Variants in NLRP12 observed in about 807,000 individuals in gnomAD.
NLRP12 encodes the protein NACHT, LRR and PYD domains-containing protein 12.
In NLRP12, 108 loss-of-function variants were observed where a neutral mutation model predicts 91.2. The observed-to-expected ratio is 1.18, with a 90% CI of 1.01 to 1.39. The LOEUF (loss-of-function observed/expected upper bound fraction) is 1.39. NLRP12 is among the 40% of genes most tolerant of loss of function. The pLI, the probability that NLRP12 is intolerant of heterozygous loss-of-function variation, is 0.00. For missense variants in NLRP12, 1,530 were observed against 1,352.7 expected (o/e 1.13, Z -2.06); for synonymous variants, 613 against 566.7 (o/e 1.08, Z -1.16).
At chr19:53,816,226 C>A (rs1190101175) in intron 1 of NLRP12, among the ~76,000 whole-genome samples, 2 of 152,152 alleles carry the variant, frequency 1.3e-5, no homozygotes, top group Non-Finnish European at 2.9e-5. Context: ...GTTCTCCCAT[C>A]AGCTGAGCCA....
Position 53,795,997 on chromosome 19 carries a change from C to T in NLRP12, c.2960G>A (p.Cys987Tyr), listed in dbSNP as rs369502542. The T allele has an allele frequency of 1.6e-5, 26 of 1,614,026 alleles. No homozygotes were observed. The African/African-American group carries it at 2.7e-4, about 17-fold the overall frequency. ...CCCCAGGGTGAAGTAAAGATTCTCA[C>T]AAGCCTTGGCTGTGAGGCCACAGCT... ...LDSCGLTAKACENLYFTLGIN... is the reference protein window; with the variant it reads ...LDSCGLTAKAYENLYFTLGIN... The change falls in exon 9 of 10, where the codon TGT becomes TAT. Residue 987 changes from cysteine (C) to tyrosine (Y), a missense_variant. By Grantham distance (194) the Cys-to-Tyr change is radical. Transcript: ENST00000324134.
chr19:53,824,249 A>T lies in NLRP12; in HGVS notation c.-75T>A. The T allele has an allele frequency of 6.9e-7, 1 of 1,459,220 alleles. No individual in the cohort carries two copies. The highest frequency in any genetic ancestry group is 9.5e-7 in the Non-Finnish European group (1 of 1,052,222). The allele number at this position is 1,459,220 out of a possible 1,614,324, so 90.4% of individuals were successfully genotyped here. The stretch of plus-strand genomic sequence containing the variant: ...TATGCACGGGACACAGGGCGACCCC[A>T]GCACACCTTCCATTGCATCATTCAC... On this transcript the variant is annotated 5_prime_UTR_variant, in exon 1 of 10. Transcript: ENST00000324134.
rs1369819341 is a variant in NLRP12, at chr19:53,810,428, A to T, written c.1231T>A (p.Cys411Ser). Residue 411 changes from cysteine (C) to serine (S), a missense_variant, in exon 3 of 10, where the codon TGT becomes AGT. Coordinates refer to ENST00000324134, the MANE Select transcript of NLRP12 (RefSeq NM_144687.4). ...CFVPLVCWVV[C>S]TCLQQQLEGG... Reference sequence around the variant, plus strand: ...TCCAGCTGCTGCTGGAGGCAGGTACACACCACCCAGCACACCAGGGGGACG... The same window carrying T: ...TCCAGCTGCTGCTGGAGGCAGGTACTCACCACCCAGCACACCAGGGGGACG... The T allele has an allele frequency of 3.1e-6, 5 of 1,613,838 alleles. No homozygotes were observed. The highest frequency in any genetic ancestry group is 4.2e-6 in the Non-Finnish European group (5 of 1,180,016).
chr19:53,802,492 G>A (rs1426774566), intron 6 of NLRP12, among the ~76,000 whole-genome samples: 1 of 151,928 alleles, frequency 6.6e-6, no homozygotes. Context: ...CGGGTCACGA[G>A]GTCAGGAGAT....
rs995458551 is a variant in NLRP12 at position 53,793,978 on chromosome 19, T to TG, written c.*70dup. On this transcript the variant is annotated 3_prime_UTR_variant, in exon 10 of 10. Transcript: ENST00000324134. ...CTAGGAAGGAGGCTGATCATTATGC[T>TG]GGGGGGGTGATGAGCACCCTCCCAT... 181 of 1,024,070 alleles carry TG rather than the reference T, an allele frequency of 1.8e-4. No individual in the cohort carries two copies. The highest frequency in any genetic ancestry group is 4.1e-4 in the Middle Eastern group (2 of 4,930). The allele number at this position is 1,024,070 out of a possible 1,614,324, so 63.4% of individuals were successfully genotyped here. A position where few individuals can be genotyped will look rare whatever the true frequency, so the allele number is the denominator to read the frequency against.
chr19:53,817,284 G>A (rs1296073093), intron 1 of NLRP12, among the ~76,000 whole-genome samples: 1 of 151,996 alleles, frequency 6.6e-6, no homozygotes, highest in Non-Finnish European at 1.5e-5. Flanking sequence ...ACAAAAATGA[G>A]CCAGGCATGG....
At chr19:53,800,860 A>G (rs1467634331) in intron 7 of NLRP12, among the ~76,000 whole-genome samples, 2 of 152,046 alleles carry the variant, frequency 1.3e-5, no homozygotes, top group Non-Finnish European at 2.9e-5. Context: ...GCTGGAATTA[A>G]GGTGTCAGCC....
intron 9 of NLRP12, 35 bp from the exon 10 acceptor site, chr19:53,794,171 C>G: frequency 7.4e-7 from 1 of 1,352,776 alleles, no homozygotes; most frequent in Non-Finnish European, 1.1e-6. Flanking sequence ...TTCCAGTGTA[C>G]TACTGTGGCA....
At chr19:53,801,063 GGC>G (rs772391278) in intron 7 of NLRP12, among the ~76,000 whole-genome samples, 162 bp downstream of exon 7, 12 of 151,410 alleles carry the variant, frequency 7.9e-5, no homozygotes, top group Non-Finnish European at 1.6e-4. Flanking sequence ...CTTGGTGGCG[GGC>G]GCCTGTAATC....
intron 1 of NLRP12, among the ~76,000 whole-genome samples, chr19:53,822,894 T>C (rs944801726): frequency 3.3e-5 from 5 of 151,772 alleles, no homozygotes; most frequent in Non-Finnish European, 7.4e-5. Flanking sequence ...CAGCCTCCCA[T>C]GTAGCTGGGA....
Position 53,810,534 on chromosome 19 carries a change from G to A in NLRP12, c.1125C>T (p.Tyr375=), listed in dbSNP as rs1405811775. 1.2e-6 allele frequency: 2 copies of A among 1,614,120 alleles called. No homozygotes were observed. The highest frequency in any genetic ancestry group is 1.7e-5 in the Admixed American group (1 of 59,998). ...FSEAERKEYF[Y]KYFHNAEQAG... is the part of the protein sequence containing the mutation. ...CCTGCTCTGCATTGTGGAAATACTT[G>A]TAGAAGTATTCCTTCCTTTCTGCCT... The change falls in exon 3 of 10, where the codon TAC becomes TAT. Residue 375 remains tyrosine, a synonymous_variant. Coordinates refer to ENST00000324134, the MANE Select transcript of NLRP12 (RefSeq NM_144687.4).
At chr19:53,795,099 GGT>G (rs1233389201) in intron 9 of NLRP12, among the ~76,000 whole-genome samples, 1 of 133,398 alleles carries the variant, frequency 7.5e-6, no homozygotes, top group Admixed American at 7.8e-5. Flanking sequence ...CACCATACCT[GGT>G]GTGTGCGTGT....
At position 53,793,993 on chromosome 19, in the gene NLRP12, C is replaced by A; in HGVS notation, c.*56G>T. ...ATCATTATGCTGGGGGGGTGATGAG[C>A]ACCCTCCCATCTTCCTCTGTCCAGA... On this transcript the variant is annotated 3_prime_UTR_variant, in exon 10 of 10. Coordinates refer to ENST00000324134, the MANE Select transcript of NLRP12 (RefSeq NM_144687.4). The A allele has an allele frequency of 8.2e-7, 1 of 1,214,420 alleles. No homozygotes were observed. Among genetic ancestry groups the A allele is most frequent in the Admixed American group, 1.7e-5 (1 of 59,440 alleles). 75.2% of individuals were successfully genotyped at this position (1,214,420 alleles called of 1,614,324 possible). A position where few individuals can be genotyped will look rare whatever the true frequency, so the allele number is the denominator to read the frequency against.
At chr19:53,817,013 AG>A (rs1190037830) in intron 1 of NLRP12, among the ~76,000 whole-genome samples, 5 of 122 alleles carry the variant, frequency 0.041, no homozygotes, top group Admixed American at 0.083. Flanking sequence ...TAAGAGGGCC[AG>A]GGCGCGGTGG....
At chr19:53,807,729 A>G (rs2091985253) in intron 3 of NLRP12, 64 bp from the exon 4 acceptor site, 1 of 1,568,120 alleles carries the variant, frequency 6.4e-7, no homozygotes, top group African/African-American at 1.3e-5. Context: ...TGGCCTTTGC[A>G]TGTCATTTCA....
At chr19:53,816,046 A>G (rs2092154204) in intron 1 of NLRP12, among the ~76,000 whole-genome samples, 1 of 151,216 alleles carries the variant, frequency 6.6e-6, no homozygotes, top group Non-Finnish European at 1.5e-5. Flanking sequence ...TGTTGGAAAT[A>G]GTGGTATGGG....
intron 2 of NLRP12, among the ~76,000 whole-genome samples, chr19:53,813,360 C>T (rs1370534412): frequency 7.4e-5 from 9 of 121,842 alleles, no homozygotes; most frequent in African/African-American, 2.6e-4. Context: ...TGGAGTGCGG[C>T]GGCACGATTC....
chr19:53,817,971 C>T (rs2092187972), intron 1 of NLRP12, among the ~76,000 whole-genome samples: 1 of 151,476 alleles, frequency 6.6e-6, no homozygotes, highest in Admixed American at 6.6e-5. Context: ...TTAGTAGAGA[C>T]AGGGTTTCAC....
rs2091746645 is a variant in NLRP12, at chr19:53,795,846, C to G, written c.3098+13G>C. ...CCAGCCTCCTCCAGAAAGAACTGGT[C>G]ATCATCCCTCACCAGAGGACTCGGA... On this transcript the variant is annotated intron_variant, in intron 9 of 9. Transcript: ENST00000324134. 1.9e-6 allele frequency: 3 copies of G among 1,613,666 alleles called. No homozygotes were observed. The East Asian group carries it at 6.7e-5, about 36-fold the overall frequency.
Sources: allele counts gnomAD v4.1 joint callset (sites outside exome capture counted in the v4.1 genomes callset), GRCh38; gene constraint gnomAD v4.1.1; transcripts MANE v1.5; gene names NCBI Gene and HGNC (gene_info 2026-07-23, HGNC 2026-07-21).